Variants in STK39 observed in about 807,000 individuals in gnomAD.
The protein encoded by STK39 is serine/threonine kinase 39.
A neutral mutation model predicts 77.8 loss-of-function variants in STK39; 20 were observed. That is an observed-to-expected ratio of 0.26 (90% confidence interval 0.18 to 0.37). The LOEUF (loss-of-function observed/expected upper bound fraction) is 0.37, where lower values mean the gene tolerates loss of function less well. Ranked by LOEUF, STK39 falls within the 10% of genes least tolerant of loss-of-function variation. The pLI, the probability that STK39 is intolerant of heterozygous loss-of-function variation, is 1.00. For synonymous variants in STK39, 246 were observed against 234.1 expected (o/e 1.05, Z -0.47); for missense variants, 479 against 656.5 (o/e 0.73, Z 2.95).
intron 10 of STK39, among the ~76,000 whole-genome samples, chr2:168,125,798 G>C (rs1687525290): frequency 6.6e-6 from 1 of 152,114 alleles, no homozygotes; most frequent in South Asian, 2.1e-4. Context: ...GTGATTTAGA[G>C]GAGTCAATCC....
chr2:168,096,104 C>T (rs1432671634), intron 10 of STK39, among the ~76,000 whole-genome samples: 1 of 152,032 alleles, frequency 6.6e-6, no homozygotes, highest in African/African-American at 2.4e-5. Context: ...TATTTTCATA[C>T]CACACACACA....
At chr2:168,206,238 G>A (rs1689738975) in intron 1 of STK39, among the ~76,000 whole-genome samples, 1 of 151,680 alleles carries the variant, frequency 6.6e-6, no homozygotes, top group Admixed American at 6.6e-5. Context: ...CACAAGCACA[G>A]AAAAACACCT....
rs1559129657 is a variant in STK39, at chr2:168,167,291, C to A, written c.430+8G>T. 1.9e-6 allele frequency: 3 copies of A among 1,610,412 alleles called. No individual in the cohort carries two copies. The highest frequency in any genetic ancestry group is 2.5e-6 in the Non-Finnish European group (3 of 1,176,966). On this transcript the variant is annotated splice_region_variant and intron_variant, in intron 3 of 17. Coordinates refer to ENST00000355999, the MANE Select transcript of STK39 (RefSeq NM_013233.3). Reference sequence around the variant, plus strand: ...AGCAAATAAATAACAACAACAAAATCCACTTACCTCCACTTAGTAATTTCA... The same window carrying A: ...AGCAAATAAATAACAACAACAAAATACACTTACCTCCACTTAGTAATTTCA...
chr2:168,247,140 C>T (rs1476395890), intron 1 of STK39, 88 bp downstream of exon 1: 4 of 916,654 alleles, frequency 4.4e-6, no homozygotes, highest in African/African-American at 1.8e-5. Flanking sequence ...CCAGGGCGTG[C>T]ATGCAGGCTA....
At chr2:168,162,794 A>G (rs1381968189) in intron 4 of STK39, among the ~76,000 whole-genome samples, 1 of 152,064 alleles carries the variant, frequency 6.6e-6, no homozygotes, top group Non-Finnish European at 1.5e-5. Flanking sequence ...TTGGGAGGCT[A>G]AGGTGGGCAG....
intron 12 of STK39, among the ~76,000 whole-genome samples, chr2:168,070,408 T>C (rs1285454245): frequency 6.6e-6 from 1 of 152,112 alleles, no homozygotes; most frequent in Non-Finnish European, 1.5e-5. Flanking sequence ...TTATAAATTA[T>C]TAATTACTAG....
At chr2:168,133,238 G>A (rs747714423) in intron 8 of STK39, among the ~76,000 whole-genome samples, 3 of 152,134 alleles carry the variant, frequency 2.0e-5, no homozygotes, top group Non-Finnish European at 4.4e-5. Flanking sequence ...CAAGGTCATT[G>A]CCATGGTAAC....
At chr2:168,091,100 G>C (rs759058547) in intron 10 of STK39, among the ~76,000 whole-genome samples, 1 of 151,642 alleles carries the variant, frequency 6.6e-6, no homozygotes, top group African/African-American at 2.4e-5. Context: ...CTATCATGCT[G>C]TCTGCAAAGG....
chr2:168,061,956 G>A (rs1188518163), intron 14 of STK39, among the ~76,000 whole-genome samples: 1 of 152,080 alleles, frequency 6.6e-6, no homozygotes, highest in Non-Finnish European at 1.5e-5. Flanking sequence ...TAGGAGCCCA[G>A]AACAGAAAAG....
rs1414566647 is a variant in STK39, at chr2:167,956,711, CT to C, written c.1564-1142del. Among the ~76,000 whole-genome samples, 3 of 71,314 alleles carry C rather than the reference CT, an allele frequency of 4.2e-5. 1 individual carries two copies. The highest frequency in any genetic ancestry group is 2.4e-4 in the East Asian group (1 of 4,224). 46.8% of individuals were successfully genotyped at this position (71,314 alleles called of 152,430 possible). A position where few individuals can be genotyped will look rare whatever the true frequency, so the allele number is the denominator to read the frequency against. On this transcript the variant is annotated intron_variant, in intron 17 of 17. Coordinates refer to ENST00000355999, the MANE Select transcript of STK39 (RefSeq NM_013233.3). ...ACACACACACACTCTCTCTCTCTCT[CT>C]CTCTCTCTCTCTCTCTCCCCCCCCG... is the stretch of plus-strand genomic sequence containing the variant.
chr2:168,088,073 G>A (rs541754089), intron 10 of STK39, among the ~76,000 whole-genome samples: 1 of 151,996 alleles, frequency 6.6e-6, no homozygotes, highest in East Asian at 1.9e-4. Flanking sequence ...GAAAAAACCT[G>A]GAAAGACACT....
intron 16 of STK39, among the ~76,000 whole-genome samples, chr2:168,001,543 A>C (rs1270529164): frequency 6.6e-6 from 1 of 152,134 alleles, no homozygotes; most frequent in Admixed American, 6.5e-5. Flanking sequence ...ATAACCTAAT[A>C]TAAGATGCAG....
rs192219221 is a variant in STK39 at position 168,081,835 on chromosome 2, A to C, written c.1090-6604T>G. ...ATCTCACAAGATCTGATGGTTTTAA[A>C]AAGAGAAGTTCCCCTGCACAAGCTC... On this transcript the variant is annotated intron_variant, in intron 10 of 17. Transcript: ENST00000355999. Among the ~76,000 whole-genome samples, 289 of 152,280 alleles carry C rather than the reference A, an allele frequency of 1.9e-3. 2 individuals are homozygous for C. The highest frequency in any genetic ancestry group is 6.8e-3 in the African/African-American group (282 of 41,548).
At chr2:168,108,975 T>C (rs1362937076) in intron 10 of STK39, among the ~76,000 whole-genome samples, 2 of 152,170 alleles carry the variant, frequency 1.3e-5, no homozygotes, top group South Asian at 2.1e-4. Context: ...AACAACTCAA[T>C]GTGTAGGTAC....
intron 16 of STK39, among the ~76,000 whole-genome samples, chr2:167,997,954 T>C (rs1440224867): frequency 2.6e-5 from 4 of 152,206 alleles, no homozygotes; most frequent in African/African-American, 9.6e-5. Flanking sequence ...ATTTAACGAA[T>C]TGTGGGGGAT....
intron 10 of STK39, among the ~76,000 whole-genome samples, chr2:168,122,235 T>C (rs1401599657): frequency 6.6e-6 from 1 of 152,146 alleles, no homozygotes; most frequent in Non-Finnish European, 1.5e-5. Flanking sequence ...CTTCTTTGTG[T>C]CCATGTTTAC....
intron 2 of STK39, among the ~76,000 whole-genome samples, chr2:168,171,155 A>T (rs1047830552): frequency 1.3e-5 from 2 of 152,200 alleles, no homozygotes; most frequent in African/African-American, 4.8e-5. Context: ...AATGTATCAC[A>T]AGTGAAATTT....
At chr2:167,974,687 G>A (rs1485166274) in intron 16 of STK39, among the ~76,000 whole-genome samples, 2 of 152,050 alleles carry the variant, frequency 1.3e-5, no homozygotes, top group African/African-American at 4.8e-5. Context: ...TCATTTCCAC[G>A]GTTAAGTGCT....
intron 5 of STK39, among the ~76,000 whole-genome samples, chr2:168,161,125 A>G (rs1688560635): frequency 6.6e-6 from 1 of 152,186 alleles, no homozygotes; most frequent in South Asian, 2.1e-4. Flanking sequence ...ATGAAAGCTA[A>G]AAGGATTGCT....
Sources: allele counts gnomAD v4.1 joint callset (sites outside exome capture counted in the v4.1 genomes callset), GRCh38; gene constraint gnomAD v4.1.1; transcripts MANE v1.5; gene names NCBI Gene and HGNC (gene_info 2026-07-23, HGNC 2026-07-21).